Variants in BMAL1 observed in about 807,000 individuals in gnomAD.
BMAL1 encodes the protein basic helix-loop-helix ARNT like 1.
chr11:13,281,804 T>G, the BMAL1 span, among the ~76,000 whole-genome samples: 1 of 152,230 alleles, frequency 6.6e-6, no homozygotes, highest in African/African-American at 2.4e-5. Context: ...GTCACTGTGC[T>G]CAGCCCCTTT....
chr11:13,282,902 C>T, the BMAL1 span, among the ~76,000 whole-genome samples: 3 of 152,200 alleles, frequency 2.0e-5, no homozygotes, highest in African/African-American at 4.8e-5. Context: ...CACTCAGGGA[C>T]GGAGCAGGTG....
the BMAL1 span, among the ~76,000 whole-genome samples, chr11:13,375,272 T>C: frequency 6.6e-6 from 1 of 152,376 alleles, no homozygotes; most frequent in African/African-American, 2.4e-5. Context: ...GGCTTTGTGA[T>C]TGAGATAAAG....
chr11:13,360,517 G>T, the BMAL1 span: 1 of 1,196,642 alleles, frequency 8.4e-7, no homozygotes, highest in Non-Finnish European at 1.2e-6. Flanking sequence ...TCAACACTGA[G>T]CTTTTTTTTT....
the BMAL1 span, among the ~76,000 whole-genome samples, chr11:13,370,962 C>T: frequency 6.6e-6 from 1 of 152,194 alleles, no homozygotes; most frequent in Non-Finnish European, 1.5e-5. Context: ...CCATGAACTC[C>T]CTTCACATGG....
At chr11:13,360,895 A>AT in the BMAL1 span, among the ~76,000 whole-genome samples, 1 of 152,240 alleles carries the variant, frequency 6.6e-6, no homozygotes, top group Admixed American at 6.5e-5. Context: ...AGACGGGCAG[A>AT]TCACCTGAGG....
At chr11:13,386,638 A>G in the BMAL1 span, 5 of 1,614,042 alleles carry the variant, frequency 3.1e-6, no homozygotes, top group Non-Finnish European at 3.4e-6. Context: ...GACAACGACC[A>G]AGGATCAAGT....
chr11:13,317,683 G>A, the BMAL1 span, among the ~76,000 whole-genome samples: 4 of 152,170 alleles, frequency 2.6e-5, no homozygotes, highest in African/African-American at 9.7e-5. Flanking sequence ...CTTAGAATTT[G>A]ATACAAACAG....
At chr11:13,289,561 T>G in the BMAL1 span, among the ~76,000 whole-genome samples, 1 of 151,838 alleles carries the variant, frequency 6.6e-6, no homozygotes, top group African/African-American at 2.4e-5. Flanking sequence ...GGCCCCGGAG[T>G]GTGATGTTCC....
At chr11:13,323,679 T>C in the BMAL1 span, among the ~76,000 whole-genome samples, 1 of 152,200 alleles carries the variant, frequency 6.6e-6, no homozygotes, top group Non-Finnish European at 1.5e-5. Flanking sequence ...TGCAATGGTA[T>C]CATCTTGGCT....
At chr11:13,318,471 G>A in the BMAL1 span, among the ~76,000 whole-genome samples, 1 of 151,474 alleles carries the variant, frequency 6.6e-6, no homozygotes, top group Non-Finnish European at 1.5e-5. Context: ...TATTGAAGGG[G>A]GGTTGCAATC....
the BMAL1 span, chr11:13,366,521 A>G: frequency 1.4e-6 from 1 of 718,566 alleles, no homozygotes; most frequent in Non-Finnish European, 2.4e-6. Context: ...GTGGTTGGAC[A>G]TATGTACAGG....
At chr11:13,281,180 T>C in the BMAL1 span, among the ~76,000 whole-genome samples, 2 of 152,154 alleles carry the variant, frequency 1.3e-5, no homozygotes, top group Non-Finnish European at 2.9e-5. Context: ...CTGTTTGTCC[T>C]TAGTCTCCCC....
the BMAL1 span, among the ~76,000 whole-genome samples, chr11:13,284,196 GTGTATATATATATGTGTA>G: frequency 2.4e-3 from 73 of 30,248 alleles, 6 homozygotes; most frequent in Admixed American, 3.4e-3. Flanking sequence ...ATATATATGT[GTGTATATATATATGTGTA>G]TATATATATA....
the BMAL1 span, among the ~76,000 whole-genome samples, chr11:13,325,408 T>TGCGA: frequency 6.6e-6 from 1 of 152,256 alleles, no homozygotes; most frequent in African/African-American, 2.4e-5. Context: ...TCACCTTATT[T>TGCGA]GATTCTGATC....
the BMAL1 span, among the ~76,000 whole-genome samples, chr11:13,361,582 C>T: frequency 6.6e-6 from 1 of 152,312 alleles, no homozygotes. Flanking sequence ...GGCCTGTCTG[C>T]TCACTCCAGC....
At chr11:13,318,695 C>A in the BMAL1 span, among the ~76,000 whole-genome samples, 2 of 151,788 alleles carry the variant, frequency 1.3e-5, no homozygotes, top group Admixed American at 6.6e-5. Context: ...GTCTGTGCCT[C>A]CTTCTAGCTA....
At chr11:13,309,863 A>C in the BMAL1 span, 1 of 152,610 alleles carries the variant, frequency 6.6e-6, no homozygotes. Context: ...TGTCCAATGG[A>C]TTTAAAGGAC....
At chr11:13,296,799 G>A in the BMAL1 span, among the ~76,000 whole-genome samples, 1 of 152,218 alleles carries the variant, frequency 6.6e-6, no homozygotes, top group South Asian at 2.1e-4. Flanking sequence ...TAATCAGCAT[G>A]TAAAGGAGAA....
At chr11:13,381,798 TACACTATAAATA>T in the BMAL1 span, among the ~76,000 whole-genome samples, 2 of 152,226 alleles carry the variant, frequency 1.3e-5, no homozygotes. Context: ...GCTATAAGAC[TACACTATAAATA>T]GGTTTAGGAA....
Sources: gnomAD v4.1 joint callset for allele counts (sites outside exome capture counted in the v4.1 genomes callset) on GRCh38, gnomAD v4.1.1 for gene constraint, MANE v1.5 for transcripts, NCBI Gene and HGNC (gene_info 2026-07-23, HGNC 2026-07-21) for gene names.